Variants in OPCML observed in about 807,000 individuals in gnomAD.
OPCML encodes opioid binding protein/cell adhesion molecule like, also known as opioid-binding protein/cell adhesion molecule.
Under a neutral mutation model 37.8 loss-of-function variants are expected in OPCML, and 13 were observed. The ratio of observed to expected loss-of-function variants is 0.34; its 90% CI spans 0.22 to 0.55. OPCML has a LOEUF of 0.55. OPCML is among the 20% of genes least tolerant of loss of function. The pLI, the probability that OPCML is intolerant of heterozygous loss-of-function variation, is 0.91. For missense variants in OPCML, 341 were observed against 435.6 expected (o/e 0.78, Z 1.93); for synonymous variants, 176 against 168.8 (o/e 1.04, Z -0.33).
At chr11:133,396,301 CAG>C (rs1301564044) in intron 1 of OPCML, among the ~76,000 whole-genome samples, 1 of 152,006 alleles carries the variant, frequency 6.6e-6, no homozygotes, top group Non-Finnish European at 1.5e-5. Context: ...AGTTTTTTGG[CAG>C]AGTCTTTAGC....
chr11:133,057,151 T>C (rs1383274578), intron 1 of OPCML, among the ~76,000 whole-genome samples: 1 of 152,256 alleles, frequency 6.6e-6, no homozygotes, highest in East Asian at 1.9e-4. Flanking sequence ...CTAGGTCGCT[T>C]ACTCTTTTAT....
At chr11:132,677,918 T>C (rs1942781594) in intron 2 of OPCML, among the ~76,000 whole-genome samples, 1 of 152,084 alleles carries the variant, frequency 6.6e-6, no homozygotes, top group Non-Finnish European at 1.5e-5. Flanking sequence ...TCATTAAAAT[T>C]AAAAAATTCT....
intron 2 of OPCML, among the ~76,000 whole-genome samples, chr11:132,702,943 G>A (rs1283277390): frequency 1.3e-5 from 2 of 151,854 alleles, no homozygotes; most frequent in African/African-American, 2.4e-5. Flanking sequence ...TTGTAATTTT[G>A]TTCATGTAGT....
In OPCML at chr11:132,777,893, TTC is replaced by T. The variant is rs554203482; in HGVS notation, c.147-120576_147-120575del. Reference sequence around the variant, plus strand: ...ATTCCCACATAATGAGATAAACCTTTTCTCTCTCTTTTTCTTTTTACTCAAGG... The same window carrying T: ...ATTCCCACATAATGAGATAAACCTTTTCTCTCTTTTTCTTTTTACTCAAGG... On this transcript the variant is annotated intron_variant, in intron 2 of 7. Transcript: ENST00000524381. 2.0e-5 allele frequency among the ~76,000 whole-genome samples: 3 copies of T among 152,304 alleles called. No individual in the cohort carries two copies. In the South Asian group the frequency reaches 6.2e-4, roughly 32 times the overall value.
intron 4 of OPCML, among the ~76,000 whole-genome samples, chr11:132,507,195 A>G (rs1252981753): frequency 6.6e-6 from 1 of 152,072 alleles, no homozygotes; most frequent in African/African-American, 2.4e-5. Flanking sequence ...AAATACAAAA[A>G]TAAAGCAAAA....
At chr11:133,308,981 A>C (rs1178197775) in intron 1 of OPCML, among the ~76,000 whole-genome samples, 1 of 152,212 alleles carries the variant, frequency 6.6e-6, no homozygotes, top group African/African-American at 2.4e-5. Context: ...TGAACACTTA[A>C]ATAAATGGAG....
chr11:132,489,551 C>A (rs2096209620), intron 4 of OPCML, among the ~76,000 whole-genome samples: 1 of 152,166 alleles, frequency 6.6e-6, no homozygotes, highest in South Asian at 2.1e-4. Context: ...TCACCAGGAA[C>A]ATATGAGTAA....
intron 1 of OPCML, among the ~76,000 whole-genome samples, chr11:133,512,343 G>T (rs1008191813): frequency 6.6e-6 from 1 of 152,192 alleles, no homozygotes; most frequent in South Asian, 2.1e-4. Context: ...TATAAAACAC[G>T]TTACAAAGGC....
chr11:133,049,358 T>C (rs770008109), intron 1 of OPCML, among the ~76,000 whole-genome samples: 3 of 152,178 alleles, frequency 2.0e-5, no homozygotes, highest in Non-Finnish European at 4.4e-5. Flanking sequence ...AGCTGTCTCT[T>C]ATCGCGGGCA....
intron 1 of OPCML, among the ~76,000 whole-genome samples, chr11:132,963,994 C>A (rs1008046091): frequency 1.3e-5 from 2 of 152,126 alleles, no homozygotes; most frequent in Non-Finnish European, 2.9e-5. Flanking sequence ...GCAGGTCAGG[C>A]TTGTGCCCAC....
chr11:133,377,457 T>C (rs2136769649), intron 1 of OPCML, among the ~76,000 whole-genome samples: 1 of 151,874 alleles, frequency 6.6e-6, no homozygotes, highest in Admixed American at 6.5e-5. Context: ...AAAGGCAAGA[T>C]GTGGGAAGGA....
chr11:132,640,834 C>T (rs1212355517), intron 3 of OPCML, among the ~76,000 whole-genome samples: 1 of 152,148 alleles, frequency 6.6e-6, no homozygotes, highest in African/African-American at 2.4e-5. Context: ...AAGTAGGGCG[C>T]TGCAGGGTGC....
At chr11:132,592,363 C>T (rs930150170) in intron 3 of OPCML, among the ~76,000 whole-genome samples, 1 of 152,146 alleles carries the variant, frequency 6.6e-6, no homozygotes, top group African/African-American at 2.4e-5. Context: ...ATTAAAAACC[C>T]AACCCAGGAT....
intron 2 of OPCML, among the ~76,000 whole-genome samples, chr11:132,821,369 A>G (rs7121966): frequency 0.43 from 64,814 of 151,930 alleles, 14,232 homozygotes; most frequent in East Asian, 0.71. Context: ...AGCCCTATCC[A>G]TGCCTTCCCC....
intron 3 of OPCML, among the ~76,000 whole-genome samples, chr11:132,556,452 C>T (rs1212569009): frequency 6.6e-6 from 1 of 152,096 alleles, no homozygotes; most frequent in Non-Finnish European, 1.5e-5. Flanking sequence ...TAGAATTTGC[C>T]TCATGACACA....
chr11:133,258,677 C>T (rs562757802), intron 1 of OPCML, among the ~76,000 whole-genome samples: 1 of 152,248 alleles, frequency 6.6e-6, no homozygotes, highest in East Asian at 1.9e-4. Flanking sequence ...CTGACAAAGA[C>T]TTCTGCAAAG....
chr11:133,180,757 C>T (rs1032329482), intron 1 of OPCML, among the ~76,000 whole-genome samples: 1 of 150,264 alleles, frequency 6.7e-6, no homozygotes, highest in Admixed American at 6.7e-5. Context: ...CTTTACGGTA[C>T]GCATCACACG....
intron 1 of OPCML, among the ~76,000 whole-genome samples, chr11:133,304,466 G>C (rs1942861050): frequency 6.6e-6 from 1 of 152,182 alleles, no homozygotes; most frequent in Non-Finnish European, 1.5e-5. Context: ...TTTTACAGAT[G>C]CAAAAGCAAT....
chr11:132,682,439 A>C (rs927439285), intron 2 of OPCML, among the ~76,000 whole-genome samples: 3 of 152,216 alleles, frequency 2.0e-5, no homozygotes, highest in African/African-American at 7.2e-5. Flanking sequence ...TTTGTTTTTA[A>C]CTGTTAAGAT....
Sources: allele counts gnomAD v4.1 joint callset (sites outside exome capture counted in the v4.1 genomes callset), GRCh38; gene constraint gnomAD v4.1.1; transcripts MANE v1.5; gene names NCBI Gene and HGNC (gene_info 2026-07-23, HGNC 2026-07-21).